NFIB: variants seen among roughly 807,000 people sequenced by gnomAD.
The protein encoded by NFIB is nuclear factor I B, also known as nuclear factor 1 B-type.
Under a neutral mutation model 61.5 loss-of-function variants are expected in NFIB, and 11 were observed. The ratio of observed to expected loss-of-function variants is 0.18; its 90% CI spans 0.11 to 0.30. NFIB has a LOEUF of 0.30. Ranked by LOEUF, NFIB falls within the 10% of genes least tolerant of loss-of-function variation. The pLI is 1.00. For missense variants in NFIB, 471 were observed against 608.9 expected, an observed-to-expected ratio of 0.77 and a Z score of 2.38; for synonymous variants, 260 against 216.5, an observed-to-expected ratio of 1.20 and a Z score of -1.76.
chr9:14,349,066 C>A (rs1053989973), intron 1 of NFIB, among the ~76,000 whole-genome samples: 4 of 152,254 alleles, frequency 2.6e-5, no homozygotes, highest in Admixed American at 6.5e-5. Context: ...CTGCCTAAAG[C>A]TCTCGCACGA....
chr9:14,514,175 G>C, the NFIB span, among the ~76,000 whole-genome samples: 1 of 152,086 alleles, frequency 6.6e-6, no homozygotes, highest in Admixed American at 6.6e-5. Flanking sequence ...ACACATTTCT[G>C]TTTGTTTTCA....
chr9:14,174,561 T>C (rs1046006285), intron 3 of NFIB, among the ~76,000 whole-genome samples: 4 of 150,126 alleles, frequency 2.7e-5, no homozygotes, highest in Non-Finnish European at 5.9e-5. Flanking sequence ...AGGTTAGGAG[T>C]TCAAGACCAG....
intron 2 of NFIB, among the ~76,000 whole-genome samples, chr9:14,301,507 G>T (rs2059750127): frequency 6.6e-6 from 1 of 152,092 alleles, no homozygotes. Context: ...AGAAAGTGGG[G>T]CACTATATAT....
At chr9:14,423,306 C>T in the NFIB span, among the ~76,000 whole-genome samples, 6 of 152,164 alleles carry the variant, frequency 3.9e-5, no homozygotes, top group African/African-American at 1.2e-4. Context: ...TCTGGGACCC[C>T]AGAACTCCTT....
chr9:14,475,298 G>A, the NFIB span, among the ~76,000 whole-genome samples: 1 of 152,212 alleles, frequency 6.6e-6, no homozygotes, highest in Non-Finnish European at 1.5e-5. Context: ...TGGCTCCAGA[G>A]TTTTGCTTCT....
chr9:14,204,608 A>G (rs1174772720), intron 2 of NFIB: 1 of 876,624 alleles, frequency 1.1e-6, no homozygotes, highest in Non-Finnish European at 1.8e-6. Context: ...GGCGGAGAAG[A>G]AAGCGCCGGC....
At chr9:14,359,222 G>A (rs374117169) in intron 1 of NFIB, among the ~76,000 whole-genome samples, 54 of 152,204 alleles carry the variant, frequency 3.5e-4, no homozygotes, top group African/African-American at 1.3e-3. Flanking sequence ...CTAGCCTGTG[G>A]AACTTGTGAA....
At chr9:14,327,614 T>C (rs2060771496) in intron 1 of NFIB, among the ~76,000 whole-genome samples, 2 of 152,154 alleles carry the variant, frequency 1.3e-5, no homozygotes, top group Admixed American at 1.3e-4. Flanking sequence ...TCCAAATTTG[T>C]TTAGAAAAGA....
rs1156482343 is a variant in NFIB, at chr9:14,120,696, A to G, written c.1061-72T>C. 7.0e-7 allele frequency: 1 copy of G among 1,429,676 alleles called. No individual in the cohort carries two copies. Among genetic ancestry groups the G allele is most frequent in the African/African-American group, 1.4e-5 (1 of 69,332 alleles). 88.6% of individuals were successfully genotyped at this position (1,429,676 alleles called of 1,614,324 possible). ...TATTGCTCCATTCTGATCCTGAAGA[A>G]TGCTGTGAAACTACAAAACTGGTAA... On this transcript the variant is annotated intron_variant, in intron 7 of 10. Coordinates refer to ENST00000380953, the MANE Select transcript of NFIB (RefSeq NM_001190737.2). This position sits in a 1 kb window ranked among gnomAD's most constrained non-coding sequence, Gnocchi z 4.4.
intron 2 of NFIB, among the ~76,000 whole-genome samples, chr9:14,261,844 C>A (rs140172485): frequency 3.9e-5 from 6 of 152,100 alleles, no homozygotes; most frequent in Non-Finnish European, 8.8e-5. Flanking sequence ...AATGGAAATT[C>A]GGGGAAGGAA....
At chr9:14,230,723 A>G (rs1265253263) in intron 2 of NFIB, among the ~76,000 whole-genome samples, 1 of 152,190 alleles carries the variant, frequency 6.6e-6, no homozygotes, top group Non-Finnish European at 1.5e-5. Context: ...TGACAAATTT[A>G]AAGAGGAAGC....
intron 3 of NFIB, among the ~76,000 whole-genome samples, chr9:14,170,326 T>G (rs958086877): frequency 6.6e-6 from 1 of 152,066 alleles, no homozygotes; most frequent in Non-Finnish European, 1.5e-5. Flanking sequence ...AGAGGAAACT[T>G]TGGATGCAGG....
At chr9:14,091,301 G>A (rs942096466) in intron 10 of NFIB, among the ~76,000 whole-genome samples, 1 of 151,490 alleles carries the variant, frequency 6.6e-6, no homozygotes, top group African/African-American at 2.4e-5. Context: ...AGATAACAAT[G>A]TAAATAAATA....
chr9:14,503,545 C>T, the NFIB span, among the ~76,000 whole-genome samples: 1 of 152,150 alleles, frequency 6.6e-6, no homozygotes, highest in Non-Finnish European at 1.5e-5. Flanking sequence ...GATGGTATCG[C>T]ATTATGGTTT....
intron 3 of NFIB, among the ~76,000 whole-genome samples, chr9:14,174,850 C>T (rs1587318167): frequency 6.7e-6 from 1 of 149,460 alleles, no homozygotes; most frequent in African/African-American, 2.5e-5. Context: ...TGACTTTGAA[C>T]ACCATATTCC....
At chr9:14,448,522 G>A in the NFIB span, among the ~76,000 whole-genome samples, 1 of 152,154 alleles carries the variant, frequency 6.6e-6, no homozygotes, top group Non-Finnish European at 1.5e-5. Context: ...AAACCTAGTT[G>A]GGATGGAGAA....
intron 2 of NFIB, among the ~76,000 whole-genome samples, chr9:14,303,171 T>C (rs953121392): frequency 2.6e-5 from 4 of 152,220 alleles, no homozygotes; most frequent in African/African-American, 9.6e-5. Flanking sequence ...AATGTTACTA[T>C]AAAATTTGCA....
In NFIB at chr9:14,261,609, A is replaced by G. The variant is rs763579239; in HGVS notation, c.562+45380T>C. The stretch of plus-strand genomic sequence containing the variant: ...GCAGGGATGACTGCCCCATATCCCA[A>G]TGGGGTACAGATGCTTATATACACT... On this transcript the variant is annotated intron_variant, in intron 2 of 10. Transcript: ENST00000380953. Among the ~76,000 whole-genome samples the G allele has an allele frequency of 5.9e-5, 9 of 152,188 alleles. No individual in the cohort carries two copies. The East Asian group carries it at 1.5e-3, about 26-fold the overall frequency.
chr9:14,189,123 G>A (rs1362223717), intron 2 of NFIB, among the ~76,000 whole-genome samples: 2 of 152,080 alleles, frequency 1.3e-5, no homozygotes, highest in East Asian at 3.9e-4. Context: ...GTTTATCCTG[G>A]AGTCTTCACG....
Sources: allele counts gnomAD v4.1 joint callset (sites outside exome capture counted in the v4.1 genomes callset), GRCh38; gene constraint gnomAD v4.1.1; non-coding constraint Gnocchi (gnomAD v3.1); transcripts MANE v1.5; gene names NCBI Gene and HGNC (gene_info 2026-07-23, HGNC 2026-07-21).